The following FOLH1 variants were observed in gnomAD, a reference collection of about 807,000 sequenced individuals.
FOLH1 encodes the protein glutamate carboxypeptidase 2.
FOLH1 carries 54 observed loss-of-function variants against 93.9 expected under a neutral mutation model. That is an observed-to-expected ratio of 0.57 (90% CI 0.46 to 0.72). The LOEUF (loss-of-function observed/expected upper bound fraction) is 0.72. Among genes scored for constraint, FOLH1 ranks in the 30% least tolerant of loss-of-function variants. The probability of loss-of-function intolerance (pLI) is 0.00; values close to 1 mark genes in which losing one functional copy is unlikely to be tolerated. For synonymous variants in FOLH1, 249 were observed against 303.6 expected (o/e 0.82, Z 1.87); for missense variants, 571 against 892.5 (o/e 0.64, Z 4.59).
At chr11:49,187,263 G>T (rs1861512790) in intron 4 of FOLH1, among the ~76,000 whole-genome samples, 1 of 152,136 alleles carries the variant, frequency 6.6e-6, no homozygotes, top group African/African-American at 2.4e-5. Context: ...GTGATTATGT[G>T]CAAATCTTAT....
At chr11:49,163,908 T>C (rs1227783553) in intron 13 of FOLH1, among the ~76,000 whole-genome samples, 1 of 152,112 alleles carries the variant, frequency 6.6e-6, no homozygotes, top group Non-Finnish European at 1.5e-5. Flanking sequence ...GGTTGCACAT[T>C]CGCTCATCAT....
At chr11:49,189,198 T>C (rs1190482378) in intron 4 of FOLH1, among the ~76,000 whole-genome samples, 2 of 152,162 alleles carry the variant, frequency 1.3e-5, no homozygotes, top group Non-Finnish European at 2.9e-5. Context: ...CACAGGGTAA[T>C]TGATGATCTG....
chr11:49,156,349 A>T (rs1445275707), intron 15 of FOLH1, among the ~76,000 whole-genome samples: 3 of 152,182 alleles, frequency 2.0e-5, no homozygotes, highest in African/African-American at 7.2e-5. Flanking sequence ...ATTTTGAATG[A>T]TAATGGGGAG....
chr11:49,171,896 T>C (rs1157593290), intron 10 of FOLH1, among the ~76,000 whole-genome samples: 1 of 152,034 alleles, frequency 6.6e-6, no homozygotes, highest in Non-Finnish European at 1.5e-5. Flanking sequence ...ACTAGCAGCG[T>C]GACTGAGGGA....
chr11:49,207,957 C>G, intron 1 of FOLH1: 1 of 553,730 alleles, frequency 1.8e-6, no homozygotes, highest in South Asian at 1.6e-5. Flanking sequence ...ACAAACAAAA[C>G]AAAACAAAAC....
chr11:49,191,922 A>G (rs1468898178), intron 4 of FOLH1, among the ~76,000 whole-genome samples: 1 of 151,910 alleles, frequency 6.6e-6, no homozygotes, highest in Non-Finnish European at 1.5e-5. Flanking sequence ...CTGATCTCGA[A>G]CTCCTGACCT....
chr11:49,177,256 G>A (rs2135125728), intron 7 of FOLH1, among the ~76,000 whole-genome samples: 1 of 152,168 alleles, frequency 6.6e-6, no homozygotes, highest in South Asian at 2.1e-4. Flanking sequence ...ATATTAAACA[G>A]AATTTCAAGT....
In FOLH1 at chr11:49,206,015, T is replaced by A. The variant is rs1863883775; in HGVS notation, c.224+52A>T. 11 of 1,553,076 alleles carry A rather than the reference T, an allele frequency of 7.1e-6. No individual in the cohort carries two copies. The South Asian group carries it at 9.6e-5, about 14-fold the overall frequency. On this transcript the variant is annotated intron_variant, in intron 2 of 18. Coordinates refer to ENST00000256999, the MANE Select transcript of FOLH1 (RefSeq NM_004476.3). ...TATAAAATATTGGACCAAAACAGAA[T>A]GATAAATTTTTCTAACAACTTGTCC... is the stretch of plus-strand genomic sequence containing the variant.
In FOLH1 at chr11:49,158,366, T is replaced by C. The variant is rs190241658; in HGVS notation, c.1441-323A>G. 2.9e-3 allele frequency among the ~76,000 whole-genome samples: 441 copies of C among 152,262 alleles called. 3 individuals carry two copies. Among genetic ancestry groups the C allele is most frequent in the Non-Finnish European group, 4.9e-3 (330 of 67,990 alleles). On this transcript the variant is annotated intron_variant, in intron 13 of 18. Coordinates refer to ENST00000256999, the MANE Select transcript of FOLH1 (RefSeq NM_004476.3). ...TTGTCTATTTTTCTGAATTAAAAGATACTACAGTCAAAACTATTTCTCATC... is the reference window on the plus strand; with the variant it reads ...TTGTCTATTTTTCTGAATTAAAAGACACTACAGTCAAAACTATTTCTCATC...
In FOLH1 at chr11:49,145,967, A is replaced by G. The variant is rs1308621205; in HGVS notation, c.*789T>C. On this transcript the variant is annotated 3_prime_UTR_variant, in exon 19 of 19. Transcript: ENST00000256999. Reference sequence around the variant, plus strand: ...GAAAAAAATCAAGTCCCTGAAAATTACACATGGTATGATTGTCTTTACAAA... The same window carrying G: ...GAAAAAAATCAAGTCCCTGAAAATTGCACATGGTATGATTGTCTTTACAAA... 6.6e-6 allele frequency among the ~76,000 whole-genome samples: 1 copy of G among 152,202 alleles called. No individual in the cohort carries two copies. The highest frequency in any genetic ancestry group is 1.9e-4 in the East Asian group (1 of 5,192).
intron 7 of FOLH1, among the ~76,000 whole-genome samples, chr11:49,179,517 G>T (rs145867769): frequency 0.01 from 1,535 of 152,180 alleles, 24 homozygotes; most frequent in African/African-American, 0.035. Context: ...ATGGGTCAAA[G>T]AAGAACTTGC....
At chr11:49,202,516 A>G (rs1268328204) in intron 2 of FOLH1, among the ~76,000 whole-genome samples, 1 of 152,088 alleles carries the variant, frequency 6.6e-6, no homozygotes, top group African/African-American at 2.4e-5. Flanking sequence ...AGATAGGACT[A>G]CAGACACATG....
chr11:49,200,440 T>G lies in FOLH1; in HGVS notation c.226A>C (p.Asn76His). The change falls in exon 3 of 19, where the codon AAT (asparagine) becomes CAT (histidine). Residue 76 changes from asparagine to histidine, a missense_variant and splice_region_variant. This residue lies in a region of FOLH1 where 500 missense variants were observed against 822.9 expected (regional missense o/e 0.61). Coordinates refer to ENST00000256999, the MANE Select transcript of FOLH1 (RefSeq NM_004476.3). ...GCTAAATGTGGTATCTGTGTAAAAT[T>G]ACTGGTGAACAAAAATTGAAAGTGG... ...KAENIKKFLY[N>H]FTQIPHLAGT... is the part of the protein sequence containing the mutation. 6.2e-7 allele frequency: 1 copy of G among 1,612,404 alleles called. No homozygotes were observed. Among genetic ancestry groups the G allele is most frequent in the Non-Finnish European group, 8.5e-7 (1 of 1,179,454 alleles).
chr11:49,147,097 A>G (rs1175592579), intron 18 of FOLH1, 152 bp from the exon 19 acceptor site: 1 of 537,532 alleles, frequency 1.9e-6, no homozygotes, highest in Non-Finnish European at 3.2e-6. Context: ...ATCTCTGAAG[A>G]CTATTATATG....
intron 13 of FOLH1, chr11:49,162,725 G>A: frequency 6.6e-6 from 1 of 152,040 alleles, no homozygotes; most frequent in Non-Finnish European, 1.5e-5. Context: ...ATCTTTGTGG[G>A]CTTATCTGCC....
chr11:49,202,151 A>T (rs1369340870), intron 2 of FOLH1, among the ~76,000 whole-genome samples: 2 of 152,154 alleles, frequency 1.3e-5, no homozygotes, highest in Non-Finnish European at 2.9e-5. Context: ...ATATGGGGAG[A>T]ACATCACTGT....
chr11:49,194,268 C>G (rs940234213), intron 3 of FOLH1, among the ~76,000 whole-genome samples: 1 of 150,618 alleles, frequency 6.6e-6, no homozygotes, highest in Non-Finnish European at 1.5e-5. Context: ...CATAACCCTA[C>G]AAATTTCCAT....
chr11:49,154,982 G>A (rs1407240476), intron 15 of FOLH1, among the ~76,000 whole-genome samples: 2 of 151,964 alleles, frequency 1.3e-5, no homozygotes, highest in African/African-American at 4.8e-5. Context: ...AGTGGTGAGG[G>A]GTGCAGTAGT....
chr11:49,203,342 G>A (rs1863489710), intron 2 of FOLH1, among the ~76,000 whole-genome samples: 1 of 152,130 alleles, frequency 6.6e-6, no homozygotes, highest in African/African-American at 2.4e-5. Flanking sequence ...TGTACATCAA[G>A]GCAGAGTGAA....
Sources: gnomAD v4.1 joint callset for allele counts (sites outside exome capture counted in the v4.1 genomes callset) on GRCh38, gnomAD v4.1.1 for gene constraint, gnomAD v4.1.1 regional missense constraint, MANE v1.5 for transcripts, NCBI Gene and HGNC (gene_info 2026-07-23, HGNC 2026-07-21) for gene names.